TTC7B: variants seen among roughly 807,000 people sequenced by gnomAD.
TTC7B encodes tetratricopeptide repeat domain 7B.
In TTC7B, 28 loss-of-function variants were observed where a neutral mutation model predicts 106.8. The observed-to-expected ratio is 0.26, with a 90% CI of 0.19 to 0.36. The LOEUF is 0.36. TTC7B is among the 10% of genes least tolerant of loss of function. The pLI, the probability that TTC7B is intolerant of heterozygous loss-of-function variation, is 1.00. For synonymous variants in TTC7B, 405 were observed against 430.6 expected, an observed-to-expected ratio of 0.94 and a Z score of 0.74; for missense variants, 862 against 1,076.4, an observed-to-expected ratio of 0.80 and a Z score of 2.79.
chr14:90,785,402 T>C (rs551585584), intron 2 of TTC7B, among the ~76,000 whole-genome samples: 2 of 151,754 alleles, frequency 1.3e-5, no homozygotes, highest in African/African-American at 4.8e-5. Flanking sequence ...CAGTGGGAAA[T>C]ACATCCTGGG....
At chr14:90,687,800 C>G (rs970996400) in intron 7 of TTC7B, among the ~76,000 whole-genome samples, 2 of 152,124 alleles carry the variant, frequency 1.3e-5, no homozygotes, top group African/African-American at 4.8e-5. Context: ...GGGATGAAAA[C>G]TAAATTACGA....
chr14:90,678,846 T>C (rs1002331624), intron 8 of TTC7B, among the ~76,000 whole-genome samples: 6 of 152,136 alleles, frequency 3.9e-5, no homozygotes, highest in African/African-American at 1.2e-4. Flanking sequence ...CATCTGACAG[T>C]GGAACATAAT....
intron 1 of TTC7B, among the ~76,000 whole-genome samples, chr14:90,794,901 G>A (rs955936931): frequency 6.6e-6 from 1 of 151,998 alleles, no homozygotes; most frequent in Non-Finnish European, 1.5e-5. Flanking sequence ...ATGATAGAGG[G>A]GCACTGGGTG....
chr14:90,549,065 T>C (rs1889960654), intron 19 of TTC7B, among the ~76,000 whole-genome samples: 1 of 151,434 alleles, frequency 6.6e-6, no homozygotes, highest in Non-Finnish European at 1.5e-5. Flanking sequence ...GAGGTGGAGC[T>C]TGCAGTGAGC....
rs1889112376 is a variant in TTC7B at position 90,524,942 on chromosome 14, G to A, written c.*16426C>T. On this transcript the variant is annotated 3_prime_UTR_variant, in exon 20 of 20. Transcript: ENST00000328459. ...AAAACAGCCTTATGAAGATGTGATT[G>A]GCACGTAGTAAAGCGCAAGCATTTA... 1 of 151,972 alleles carries A rather than the reference G, an allele frequency of 6.6e-6. No homozygotes were observed. Among genetic ancestry groups the A allele is most frequent in the African/African-American group, 2.4e-5 (1 of 41,382 alleles). 9.4% of individuals were successfully genotyped at this position (151,972 alleles called of 1,614,324 possible). A position where few individuals can be genotyped will look rare whatever the true frequency, so the allele number is the denominator to read the frequency against.
At chr14:90,734,782 T>G (rs1190207247) in intron 4 of TTC7B, among the ~76,000 whole-genome samples, 2 of 151,558 alleles carry the variant, frequency 1.3e-5, no homozygotes, top group Admixed American at 6.6e-5. Context: ...ATTTATTTTA[T>G]TATTTATTTA....
In TTC7B at chr14:90,802,584, A is replaced by G. The variant is rs2140057920; in HGVS notation, c.121+13591T>C. Among the ~76,000 whole-genome samples the G allele has an allele frequency of 6.6e-6, 1 of 152,294 alleles. No homozygotes were observed. Among genetic ancestry groups the G allele is most frequent in the South Asian group, 2.1e-4 (1 of 4,820 alleles). ...TATGAGGCAAGGTCATGAGCTAGGC[A>G]TGAGAGGGTGGCTTTCAAAGGAAGG... On this transcript the variant is annotated intron_variant, in intron 1 of 19. Coordinates refer to ENST00000328459, the MANE Select transcript of TTC7B (RefSeq NM_001010854.2). This position sits in a 1 kb window ranked among gnomAD's most constrained non-coding sequence, Gnocchi z 4.7.
intron 15 of TTC7B, among the ~76,000 whole-genome samples, chr14:90,634,606 T>C (rs932632129): frequency 3.3e-5 from 5 of 151,974 alleles, no homozygotes; most frequent in African/African-American, 1.2e-4. Context: ...ACCCCGTCTA[T>C]ACTAAAAATA....
chr14:90,782,260 T>C (rs1351580500), intron 2 of TTC7B, among the ~76,000 whole-genome samples: 5 of 151,860 alleles, frequency 3.3e-5, no homozygotes. Flanking sequence ...GGAATTAGAA[T>C]TACATCTGGA....
chr14:90,687,636 C>G (rs561113012), intron 7 of TTC7B, among the ~76,000 whole-genome samples: 1 of 152,164 alleles, frequency 6.6e-6, no homozygotes, highest in Non-Finnish European at 1.5e-5. Flanking sequence ...AAAAATGAAC[C>G]CCAAACCTGC....
intron 3 of TTC7B, among the ~76,000 whole-genome samples, chr14:90,776,103 TAGTC>T (rs776975143): frequency 6.7e-6 from 1 of 149,094 alleles, no homozygotes; most frequent in Non-Finnish European, 1.5e-5. Flanking sequence ...AGTAGGCAGT[TAGTC>T]AGGCATGAGC....
chr14:90,575,612 T>G lies in TTC7B; in HGVS notation c.2310+2494A>C, dbSNP rs1410371021. ...GGAGGGGGGCCTGCCCTTGGCTGCATGGGGCTCCCCCTGGCTGTGGGCTGG... is the reference window on the plus strand; with the variant it reads ...GGAGGGGGGCCTGCCCTTGGCTGCAGGGGGCTCCCCCTGGCTGTGGGCTGG... On this transcript the variant is annotated intron_variant, in intron 19 of 19. Coordinates refer to ENST00000328459, the MANE Select transcript of TTC7B (RefSeq NM_001010854.2). The surrounding 1 kb of genome is among the most constrained non-coding windows in gnomAD (Gnocchi z 5.2). Among the ~76,000 whole-genome samples, 1 of 152,176 alleles carries G rather than the reference T, an allele frequency of 6.6e-6. No individual in the cohort carries two copies. Among genetic ancestry groups the G allele is most frequent in the Non-Finnish European group, 1.5e-5 (1 of 68,018 alleles).
chr14:90,584,376 G>C (rs1891630985), intron 18 of TTC7B, among the ~76,000 whole-genome samples: 1 of 152,236 alleles, frequency 6.6e-6, no homozygotes. Flanking sequence ...AGCTGCAAGG[G>C]GCTTGCCCTG....
chr14:90,734,480 T>C (rs1051005308), intron 4 of TTC7B, among the ~76,000 whole-genome samples: 18 of 151,794 alleles, frequency 1.2e-4, no homozygotes, highest in African/African-American at 4.1e-4. Flanking sequence ...CTCATAGATC[T>C]ATAGGCTGCA....
chr14:90,808,833 G>A lies in TTC7B; in HGVS notation c.121+7342C>T, dbSNP rs998401750. 3.3e-5 allele frequency among the ~76,000 whole-genome samples: 5 copies of A among 152,212 alleles called. No individual in the cohort carries two copies. The highest frequency in any genetic ancestry group is 4.8e-5 in the African/African-American group (2 of 41,462). On this transcript the variant is annotated intron_variant, in intron 1 of 19. Coordinates refer to ENST00000328459, the MANE Select transcript of TTC7B (RefSeq NM_001010854.2). The surrounding 1 kb of genome is among the most constrained non-coding windows in gnomAD (Gnocchi z 4.2). ...TTCAGAGGGGCAGGAATCCACCCAC[G>A]TGTGGCCAACGTGAATAAGAACCAA...
chr14:90,725,128 G>T (rs1351918761), intron 5 of TTC7B, among the ~76,000 whole-genome samples: 1 of 152,190 alleles, frequency 6.6e-6, no homozygotes, highest in African/African-American at 2.4e-5. Context: ...CACTGCAGTG[G>T]ACTCCTACTG....
intron 11 of TTC7B, among the ~76,000 whole-genome samples, chr14:90,656,463 C>G (rs1193074875): frequency 6.6e-6 from 1 of 151,952 alleles, no homozygotes; most frequent in Non-Finnish European, 1.5e-5. Flanking sequence ...CAGGGTATTG[C>G]CAAATTCAAA....
At chr14:90,721,659 C>T (rs1220880060) in intron 5 of TTC7B, among the ~76,000 whole-genome samples, 4 of 152,190 alleles carry the variant, frequency 2.6e-5, no homozygotes, top group Admixed American at 2.0e-4. Context: ...AGGGCATGGT[C>T]AGTATGGCCC....
chr14:90,775,794 C>T (rs1891008041), intron 3 of TTC7B, among the ~76,000 whole-genome samples: 1 of 152,094 alleles, frequency 6.6e-6, no homozygotes, highest in African/African-American at 2.4e-5. Context: ...TGGGAGATGA[C>T]CGTGCTGGCC....
Sources: allele counts gnomAD v4.1 joint callset (sites outside exome capture counted in the v4.1 genomes callset), GRCh38; gene constraint gnomAD v4.1.1; non-coding constraint Gnocchi (gnomAD v3.1); transcripts MANE v1.5; gene names NCBI Gene and HGNC (gene_info 2026-07-23, HGNC 2026-07-21).